The following SMC4 variants were observed in gnomAD, a reference collection of about 807,000 sequenced individuals.
The protein encoded by SMC4 is structural maintenance of chromosomes protein 4.
Under a neutral mutation model 145.6 loss-of-function variants are expected in SMC4, and 87 were observed. The ratio of observed to expected loss-of-function variants is 0.60; its 90% CI spans 0.50 to 0.71. The LOEUF (loss-of-function observed/expected upper bound fraction) is 0.71, where lower values mean the gene tolerates loss of function less well. Among genes scored for constraint, SMC4 ranks in the 30% least tolerant of loss-of-function variants. The pLI is 0.00. For missense variants in SMC4, 1,447 were observed against 1,537.1 expected, an observed-to-expected ratio of 0.94 and a Z score of 0.98; for synonymous variants, 558 against 500.7, an observed-to-expected ratio of 1.11 and a Z score of -1.53.
intron 17 of SMC4, among the ~76,000 whole-genome samples, chr3:160,428,348 AGTTAT>A (rs1363753637): frequency 6.6e-6 from 1 of 152,248 alleles, no homozygotes; most frequent in Non-Finnish European, 1.5e-5. Context: ...AGAACTGCGA[AGTTAT>A]GTTAGCAGAA....
intron 10 of SMC4, 178 bp downstream of exon 10, chr3:160,416,593 T>G (rs995225141): frequency 2.6e-6 from 1 of 379,430 alleles, no homozygotes; most frequent in African/African-American, 2.1e-5. Context: ...TGCTGACATG[T>G]TTTTTAAAAA....
chr3:160,431,241 A>G, intron 20 of SMC4, 36 bp downstream of exon 20: 2 of 1,509,506 alleles, frequency 1.3e-6, no homozygotes, highest in Non-Finnish European at 1.8e-6. Flanking sequence ...TTTTAAACAT[A>G]TTCTTTATGA....
In SMC4 at chr3:160,424,971, T is replaced by C. The variant is rs1717613814; in HGVS notation, c.2430T>C (p.Ser810=). The change falls in exon 16 of 24, where the codon AGT becomes AGC. Residue 810 remains serine, a synonymous_variant. Coordinates refer to ENST00000357388, the MANE Select transcript of SMC4 (RefSeq NM_001002800.3). ...LEERVVKLRH[S]EREMRNTLEK... Reference sequence around the variant, plus strand: ...AAAGAGTAGTTAAGTTACGGCATAGTGAACGAGAAATGAGGAACACACTAG... The same window carrying C: ...AAAGAGTAGTTAAGTTACGGCATAGCGAACGAGAAATGAGGAACACACTAG... The C allele has an allele frequency of 6.2e-7, 1 of 1,612,058 alleles. No homozygotes were observed. The highest frequency in any genetic ancestry group is 8.5e-7 in the Non-Finnish European group (1 of 1,179,502).
intron 10 of SMC4, among the ~76,000 whole-genome samples, chr3:160,417,451 A>T (rs1010004462): frequency 2.1e-4 from 32 of 152,306 alleles, no homozygotes; most frequent in East Asian, 1.9e-4. Flanking sequence ...CCCCATGTTA[A>T]TGACAAAGCT....
Position 160,425,022 on chromosome 3 carries a change from A to ATGTGTGTGTATGTGTGTG in SMC4, c.2478+12_2478+13insATGTGTGTGTGTGTGTGT. On this transcript the variant is annotated splice_donor_region_variant and intron_variant, in intron 16 of 23. Coordinates refer to ENST00000357388, the MANE Select transcript of SMC4 (RefSeq NM_001002800.3). The stretch of plus-strand genomic sequence containing the variant: ...AAAAATTTACTGCAAGCATCCAGGT[A>ATGTGTGTGTATGTGTGTG]TGTGTGTGTGTGTGTGTGTGTGTGT... 1 of 1,468,122 alleles carries ATGTGTGTGTATGTGTGTG rather than the reference A, an allele frequency of 6.8e-7. No homozygotes were observed. The highest frequency in any genetic ancestry group is 2.5e-5 in the East Asian group (1 of 40,658). The allele number at this position is 1,468,122 out of a possible 1,614,324, so 90.9% of individuals were successfully genotyped here. A position where few individuals can be genotyped will look rare whatever the true frequency, so the allele number is the denominator to read the frequency against.
chr3:160,431,990 C>G (rs1480641763), intron 21 of SMC4, among the ~76,000 whole-genome samples, 165 bp downstream of exon 21: 1 of 152,220 alleles, frequency 6.6e-6, no homozygotes, highest in Non-Finnish European at 1.5e-5. Flanking sequence ...ATCACAAGGT[C>G]AGGAGTTCGA....
At position 160,432,059 on chromosome 3, in the gene SMC4, A is replaced by G. The variant is rs566664638; in HGVS notation, c.3298-224A>G. ...CTATTAAAGATACAAAAAATTAGCC[A>G]GGCGTTGTGGCACGTGCCTGTAATC... On this transcript the variant is annotated intron_variant, in intron 21 of 23. Transcript: ENST00000357388. Among the ~76,000 whole-genome samples, 9 of 152,336 alleles carry G rather than the reference A, an allele frequency of 5.9e-5. No individual in the cohort carries two copies. In the South Asian group the frequency reaches 1.9e-3, roughly 32 times the overall value.
chr3:160,409,352 TA>T (rs56658671), intron 5 of SMC4, among the ~76,000 whole-genome samples: 74,983 of 146,898 alleles, frequency 0.51, 19,417 homozygotes, highest in Non-Finnish European at 0.54. Context: ...ATCCTGCCTT[TA>T]AAAAAAAAAA....
intron 11 of SMC4, among the ~76,000 whole-genome samples, chr3:160,418,869 A>T (rs1229660082): frequency 3.3e-5 from 5 of 151,710 alleles, no homozygotes; most frequent in Non-Finnish European, 5.9e-5. Flanking sequence ...GCATTTTTGT[A>T]TAGCAATAGG....
intron 17 of SMC4, 93 bp from the exon 18 acceptor site, chr3:160,428,660 C>T (rs1238338109): frequency 6.7e-6 from 8 of 1,200,826 alleles, no homozygotes; most frequent in Admixed American, 3.2e-5. Flanking sequence ...TAATGCATCA[C>T]GTCAAGTCAT....
In SMC4 at chr3:160,434,452, A is replaced by G. The variant is rs1257891760; in HGVS notation, c.*643A>G. On this transcript the variant is annotated 3_prime_UTR_variant, in exon 24 of 24. Coordinates refer to ENST00000357388, the MANE Select transcript of SMC4 (RefSeq NM_001002800.3). ...AGTTGCTTCATGAGTATGAAGTAAG[A>G]TGGCCTCTGATTTACACTGGTTCAA... 1 of 152,194 alleles carries G rather than the reference A, an allele frequency of 6.6e-6. No homozygotes were observed. Among genetic ancestry groups the G allele is most frequent in the Non-Finnish European group, 1.5e-5 (1 of 68,038 alleles). 9.4% of individuals were successfully genotyped at this position (152,194 alleles called of 1,614,324 possible).
At chr3:160,425,948 C>T in intron 16 of SMC4, 126 bp from the exon 17 acceptor site, 2 of 674,454 alleles carry the variant, frequency 3.0e-6, no homozygotes, top group Non-Finnish European at 5.0e-6. Flanking sequence ...ATCAATGGCA[C>T]ATATCTTTCC....
intron 11 of SMC4, among the ~76,000 whole-genome samples, chr3:160,419,141 C>G (rs1211474449): frequency 6.6e-6 from 1 of 152,118 alleles, no homozygotes; most frequent in African/African-American, 2.4e-5. Flanking sequence ...CTAATGTTTT[C>G]TTTTATTGAC....
intron 18 of SMC4, 30 bp from the exon 19 acceptor site, chr3:160,430,569 C>A: frequency 6.6e-7 from 1 of 1,521,646 alleles, no homozygotes; most frequent in Non-Finnish European, 8.8e-7. Context: ...CACCTTACCA[C>A]ATTTTTGATG....
chr3:160,423,624 T>C lies in SMC4; in HGVS notation c.2219T>C (p.Leu740Ser), dbSNP rs1436524435. 2 of 1,613,280 alleles carry C rather than the reference T, an allele frequency of 1.2e-6. No homozygotes were observed. The highest frequency in any genetic ancestry group is 2.2e-5 in the East Asian group (1 of 44,822). Residue 740 changes from leucine (L) to serine (S), a missense_variant, in exon 14 of 24, where the codon TTA becomes TCA. By Grantham distance (145) the Leu-to-Ser change is moderately radical. Transcript: ENST00000357388. ...QKDRRWRVVT[L>S]QGQIIEQSGT... Reference sequence around the variant, plus strand: ...GATAGAAGATGGAGAGTGGTAACTTTACAGGGACAAATCATAGAACAGTCA... The same window carrying C: ...GATAGAAGATGGAGAGTGGTAACTTCACAGGGACAAATCATAGAACAGTCA...
chr3:160,421,087 A>G (rs1428764016), intron 13 of SMC4, among the ~76,000 whole-genome samples, 186 bp downstream of exon 13: 1 of 151,864 alleles, frequency 6.6e-6, no homozygotes, highest in East Asian at 1.9e-4. Flanking sequence ...CCGCCACCAC[A>G]CCCAGCTAAT....
At chr3:160,413,725 C>A in intron 8 of SMC4, 112 bp downstream of exon 8, 1 of 623,850 alleles carries the variant, frequency 1.6e-6, no homozygotes, top group Non-Finnish European at 2.5e-6. Context: ...GCCAGCATAT[C>A]AAGTGGTGGC....
chr3:160,419,601 T>C, intron 12 of SMC4, 58 bp downstream of exon 12: 1 of 1,506,560 alleles, frequency 6.6e-7, no homozygotes, highest in Non-Finnish European at 9.0e-7. Flanking sequence ...AAGTGTAACT[T>C]ATTTTTTTGC....
At chr3:160,402,593 AT>A (rs1714823058) in intron 3 of SMC4, 82 bp from the exon 4 acceptor site, 7 of 1,413,970 alleles carry the variant, frequency 5.0e-6, no homozygotes, top group Middle Eastern at 2.5e-4. Flanking sequence ...AAGTAAAAAA[AT>A]CTAACAGTTT....
Sources: allele counts gnomAD v4.1 joint callset (sites outside exome capture counted in the v4.1 genomes callset), GRCh38; gene constraint gnomAD v4.1.1; transcripts MANE v1.5; gene names NCBI Gene and HGNC (gene_info 2026-07-23, HGNC 2026-07-21).